Variants in LRP1B observed in about 807,000 individuals in gnomAD.
LRP1B encodes the protein LDL receptor related protein 1B, also known as low-density lipoprotein receptor-related protein 1B.
In LRP1B, 217 loss-of-function variants were observed where a neutral mutation model predicts 556.6. That is an observed-to-expected ratio of 0.39 (90% CI 0.35 to 0.44). The LOEUF is 0.44. Ranked by LOEUF, LRP1B falls within the 20% of genes least tolerant of loss-of-function variation. LRP1B has a pLI of 1.00. For missense variants in LRP1B, 5,053 were observed against 5,620.8 expected (o/e 0.90, Z 3.23); for synonymous variants, 2,047 against 1,865.8 (o/e 1.10, Z -2.50).
intron 49 of LRP1B, among the ~76,000 whole-genome samples, chr2:140,520,431 A>G: frequency 6.6e-6 from 1 of 152,186 alleles, no homozygotes; most frequent in South Asian, 2.1e-4. Context: ...CAGGGCAGGG[A>G]ACATCACACA....
rs1312731247 is a variant in LRP1B at position 141,221,257 on chromosome 2, T to A, written c.850+7926A>T. Among the ~76,000 whole-genome samples the A allele has an allele frequency of 2.0e-5, 3 of 147,482 alleles. No individual in the cohort carries two copies. In the South Asian group the frequency reaches 6.5e-4, roughly 32 times the overall value. On this transcript the variant is annotated intron_variant, in intron 6 of 90. Coordinates refer to ENST00000389484, the MANE Select transcript of LRP1B (RefSeq NM_018557.3). ...AAAAAAGCAAGGGTTGCAATCCTAGTTTCTGACAAAGCAGACTAAGCCAAC... is the reference window on the plus strand; with the variant it reads ...AAAAAAGCAAGGGTTGCAATCCTAGATTCTGACAAAGCAGACTAAGCCAAC...
At chr2:141,970,891 T>A (rs1350784400) in intron 1 of LRP1B, among the ~76,000 whole-genome samples, 1 of 151,574 alleles carries the variant, frequency 6.6e-6, no homozygotes, top group Non-Finnish European at 1.5e-5. Flanking sequence ...GACCACAGTC[T>A]TTTTCTGCTC....
At chr2:141,870,732 C>T (rs891583773) in intron 1 of LRP1B, among the ~76,000 whole-genome samples, 1 of 151,818 alleles carries the variant, frequency 6.6e-6, no homozygotes, top group African/African-American at 2.4e-5. Context: ...GGATATGTCA[C>T]TCTTAGAAAA....
intron 1 of LRP1B, among the ~76,000 whole-genome samples, chr2:142,064,472 C>G (rs2104898811): frequency 6.6e-6 from 1 of 151,656 alleles, no homozygotes; most frequent in South Asian, 2.1e-4. Flanking sequence ...AATTGGAAGG[C>G]ATAACAGTGA....
intron 17 of LRP1B, among the ~76,000 whole-genome samples, chr2:140,984,796 A>G (rs1180263195): frequency 6.6e-6 from 1 of 152,114 alleles, no homozygotes; most frequent in Admixed American, 6.6e-5. Flanking sequence ...GTCTGTTCTA[A>G]TCATGGAGAA....
intron 2 of LRP1B, among the ~76,000 whole-genome samples, chr2:141,639,393 CATATATATATATGTGT>C (rs1689242033): frequency 2.7e-5 from 1 of 36,440 alleles, no homozygotes; most frequent in Admixed American, 2.8e-4. Flanking sequence ...TATATATACA[CATATATATATATGTGT>C]ATATATATAT....
At chr2:140,536,504 C>T (rs2105002543) in intron 46 of LRP1B, 77 bp downstream of exon 46, 7 of 1,409,340 alleles carry the variant, frequency 5.0e-6, no homozygotes, top group Non-Finnish European at 6.8e-6. Flanking sequence ...GTAAACCACA[C>T]CGAGACAAGC....
intron 43 of LRP1B, chr2:140,586,745 T>C (rs1682002326): frequency 6.6e-6 from 1 of 152,048 alleles, no homozygotes; most frequent in African/African-American, 2.4e-5. Context: ...TAGACCGATG[T>C]CAGGGAAAGA....
At chr2:140,239,667 G>C in intron 87 of LRP1B, 135 bp from the exon 88 acceptor site, 2 of 516,796 alleles carry the variant, frequency 3.9e-6, no homozygotes, top group Non-Finnish European at 6.8e-6. Flanking sequence ...TATATTTCGG[G>C]TTCATAATTA....
chr2:140,464,456 T>C (rs1265969508), intron 60 of LRP1B, among the ~76,000 whole-genome samples: 2 of 152,164 alleles, frequency 1.3e-5, no homozygotes, highest in Admixed American at 1.3e-4. Context: ...AATATAGCCA[T>C]TTCAATATTC....
rs892372575 is a variant in LRP1B at position 140,436,803 on chromosome 2, A to G, written c.10414+5701T>C. Among the ~76,000 whole-genome samples the G allele has an allele frequency of 5.3e-5, 8 of 152,270 alleles. No homozygotes were observed. In the East Asian group the frequency reaches 1.5e-3, roughly 29 times the overall value. On this transcript the variant is annotated intron_variant, in intron 66 of 90. Transcript: ENST00000389484. The stretch of plus-strand genomic sequence containing the variant: ...GATCAGCTGCACATATTCTCAAGAC[A>G]GATTGATATGGGATGGACCAAGACC...
intron 3 of LRP1B, among the ~76,000 whole-genome samples, chr2:141,394,397 G>A (rs1010623052): frequency 6.6e-6 from 1 of 151,906 alleles, no homozygotes; most frequent in Non-Finnish European, 1.5e-5. Context: ...AACCTGCTTC[G>A]ATAGTAAACC....
At chr2:140,674,697 C>T (rs1223286600) in intron 41 of LRP1B, among the ~76,000 whole-genome samples, 3 of 152,178 alleles carry the variant, frequency 2.0e-5, no homozygotes, top group African/African-American at 2.4e-5. Flanking sequence ...ACCTTGGGCA[C>T]GTGTTCTCAG....
intron 6 of LRP1B, among the ~76,000 whole-genome samples, chr2:141,198,070 A>G (rs1014281485): frequency 5.3e-5 from 8 of 152,126 alleles, no homozygotes; most frequent in African/African-American, 1.9e-4. Flanking sequence ...GTATCTCTTG[A>G]ATGGTTTAAG....
chr2:141,838,344 T>C (rs184941195), intron 1 of LRP1B, among the ~76,000 whole-genome samples: 2 of 152,256 alleles, frequency 1.3e-5, no homozygotes, highest in African/African-American at 2.4e-5. Context: ...ACCTGGTGAA[T>C]TGATGGAAGT....
Position 140,563,320 on chromosome 2 carries a change from G to T in LRP1B, c.7195-21349C>A, listed in dbSNP as rs192018925. Among the ~76,000 whole-genome samples, 139 of 152,244 alleles carry T rather than the reference G, an allele frequency of 9.1e-4. 1 individual carries two copies. The highest frequency in any genetic ancestry group is 4.9e-4 in the Non-Finnish European group (33 of 68,028). On this transcript the variant is annotated intron_variant, in intron 43 of 90. Coordinates refer to ENST00000389484, the MANE Select transcript of LRP1B (RefSeq NM_018557.3). The stretch of plus-strand genomic sequence containing the variant: ...TATTAGAGATTACTAATACTGAATA[G>T]TGCCATGAAATAAAATTTGATATTT...
chr2:141,012,382 C>A (rs1266636197), intron 14 of LRP1B, among the ~76,000 whole-genome samples: 6 of 151,960 alleles, frequency 3.9e-5, no homozygotes. Context: ...ATGAAAAGGA[C>A]TGTTTCTATT....
intron 3 of LRP1B, among the ~76,000 whole-genome samples, chr2:141,281,706 C>A (rs1451372689): frequency 6.6e-6 from 1 of 151,796 alleles, no homozygotes; most frequent in Non-Finnish European, 1.5e-5. Flanking sequence ...CATAACACAA[C>A]AATAAAGAGA....
At chr2:140,721,396 T>C (rs1341240844) in intron 35 of LRP1B, among the ~76,000 whole-genome samples, 2 of 152,170 alleles carry the variant, frequency 1.3e-5, no homozygotes, top group African/African-American at 4.8e-5. Context: ...AATGGGATCA[T>C]GGATCCTGCC....
Sources: gnomAD v4.1 joint callset for allele counts (sites outside exome capture counted in the v4.1 genomes callset) on GRCh38, gnomAD v4.1.1 for gene constraint, MANE v1.5 for transcripts, NCBI Gene and HGNC (gene_info 2026-07-23, HGNC 2026-07-21) for gene names.